The following SOS1 variants were observed in gnomAD, a reference collection of about 807,000 sequenced individuals.
SOS1 encodes the protein son of sevenless homolog 1.
Under a neutral mutation model 157.6 loss-of-function variants are expected in SOS1, and 25 were observed. That is an observed-to-expected ratio of 0.16 (90% CI 0.12 to 0.22). The LOEUF (loss-of-function observed/expected upper bound fraction) is 0.22. Among genes scored for constraint, SOS1 ranks in the 10% least tolerant of loss-of-function variants. SOS1 has a pLI of 1.00. For synonymous variants in SOS1, 528 were observed against 534.0 expected (o/e 0.99, Z 0.16); for missense variants, 1,237 against 1,599.1 (o/e 0.77, Z 3.86).
At chr2:39,095,967 G>A (rs912654730) in intron 1 of SOS1, among the ~76,000 whole-genome samples, 1 of 152,190 alleles carries the variant, frequency 6.6e-6, no homozygotes, top group African/African-American at 2.4e-5. Flanking sequence ...TACCTGAGAA[G>A]CTAGATGTTT....
intron 1 of SOS1, among the ~76,000 whole-genome samples, chr2:39,111,273 G>A (rs1053010075): frequency 6.6e-6 from 1 of 151,996 alleles, no homozygotes; most frequent in East Asian, 1.9e-4. Flanking sequence ...AAGGATGAAG[G>A]GATGGATAGG....
Position 38,985,544 on chromosome 2 carries a change from G to C in SOS1, c.*280C>G. 4.9e-6 allele frequency: 2 copies of C among 405,064 alleles called. No individual in the cohort carries two copies. Among genetic ancestry groups the C allele is most frequent in the Non-Finnish European group, 9.3e-6 (2 of 215,244 alleles). The allele number at this position is 405,064 out of a possible 1,614,324, so 25.1% of individuals were successfully genotyped here. A position where few individuals can be genotyped will look rare whatever the true frequency, so the allele number is the denominator to read the frequency against. ...CACAAAAGATCACTTCACAAAAAGAGGACTCCTGCCTATTGGCCAGAAAAA... is the reference window on the plus strand; with the variant it reads ...CACAAAAGATCACTTCACAAAAAGACGACTCCTGCCTATTGGCCAGAAAAA... On this transcript the variant is annotated 3_prime_UTR_variant, in exon 23 of 23. Transcript: ENST00000402219.
At chr2:39,029,850 G>A (rs979619502) in intron 8 of SOS1, among the ~76,000 whole-genome samples, 1 of 151,976 alleles carries the variant, frequency 6.6e-6, no homozygotes, top group African/African-American at 2.4e-5. Flanking sequence ...CTGGTTCAAG[G>A]GAATGTACAC....
At chr2:39,116,074 G>A (rs1274862778) in intron 1 of SOS1, among the ~76,000 whole-genome samples, 1 of 152,174 alleles carries the variant, frequency 6.6e-6, no homozygotes, top group Non-Finnish European at 1.5e-5. Flanking sequence ...ATAAGTCTTT[G>A]TAGAGGCTTC....
Position 39,024,056 on chromosome 2 carries a change from C to A in SOS1, c.1156G>T (p.Gly386Cys). 2 of 1,600,576 alleles carry A rather than the reference C, an allele frequency of 1.2e-6. No individual in the cohort carries two copies. Among genetic ancestry groups the A allele is most frequent in the Non-Finnish European group, 1.7e-6 (2 of 1,167,886 alleles). Residue 386 changes from glycine (G) to cysteine (C), a missense_variant, in exon 9 of 23, where the codon GGT (glycine) becomes TGT (cysteine). By Grantham distance (159) the Gly-to-Cys change is radical. This residue lies in a region of SOS1 where 101 missense variants were observed against 171.5 expected (regional missense o/e 0.59). Coordinates refer to ENST00000402219, the MANE Select transcript of SOS1 (RefSeq NM_005633.4). ...AITALLNVQS[G>C]MEKICSKSLA... is the part of the protein sequence containing the mutation. ...CTTTTAGAACATATTTTTTCCATAC[C>A]ACTCTGAACATTAAGCAAAGCTGTT...
Position 38,983,545 on chromosome 2 carries a change from A to ATAGAC in SOS1, c.*2274_*2278dup. ...CTCCAAATCTGAATTTTTCCTCTTT[A>ATAGAC]TAGACTAGATAGGTTGAAAAGGGGT... On this transcript the variant is annotated 3_prime_UTR_variant, in exon 23 of 23. Transcript: ENST00000402219. 6.8e-6 allele frequency: 1 copy of ATAGAC among 146,342 alleles called. No individual in the cohort carries two copies. Among genetic ancestry groups the ATAGAC allele is most frequent in the East Asian group, 2.0e-4 (1 of 4,922 alleles). The allele number at this position is 146,342 out of a possible 1,614,324, so 9.1% of individuals were successfully genotyped here.
At chr2:39,037,630 A>T (rs1054165453) in intron 6 of SOS1, among the ~76,000 whole-genome samples, 1 of 148,536 alleles carries the variant, frequency 6.7e-6, no homozygotes. Flanking sequence ...TTTTTTTTTA[A>T]CAAGTTGAAG....
chr2:39,058,827 A>G (rs1434939165), intron 2 of SOS1, 23 bp from the exon 3 acceptor site: 3 of 1,595,556 alleles, frequency 1.9e-6, no homozygotes, highest in Non-Finnish European at 2.6e-6. Flanking sequence ...GAAAATAACA[A>G]CTAAGCAAAA....
At chr2:39,014,937 CA>C in intron 10 of SOS1, 91 bp from the exon 11 acceptor site, 1 of 815,250 alleles carries the variant, frequency 1.2e-6, no homozygotes, top group Non-Finnish European at 2.1e-6. Context: ...ATCAAATAGT[CA>C]AGTTTAAAAG....
chr2:39,045,439 C>G (rs1670745886), intron 6 of SOS1, among the ~76,000 whole-genome samples: 1 of 151,406 alleles, frequency 6.6e-6, no homozygotes, highest in Non-Finnish European at 1.5e-5. Context: ...GTTTCTACTT[C>G]TTATATTTTG....
chr2:39,106,547 C>T (rs371903060), intron 1 of SOS1, among the ~76,000 whole-genome samples: 19 of 146,578 alleles, frequency 1.3e-4, no homozygotes, highest in East Asian at 3.9e-4. Context: ...GCCGAGATCC[C>T]GCCACTGCAC....
intron 10 of SOS1, among the ~76,000 whole-genome samples, chr2:39,021,936 A>C (rs1211691942): frequency 6.6e-6 from 1 of 151,808 alleles, no homozygotes; most frequent in Non-Finnish European, 1.5e-5. Flanking sequence ...ATATGGAAAA[A>C]AATGACAATA....
At chr2:38,992,897 G>A (rs1158978100) in intron 20 of SOS1, 1 of 152,004 alleles carries the variant, frequency 6.6e-6, no homozygotes, top group Non-Finnish European at 1.5e-5. Context: ...TTTACTTGGT[G>A]TCTATTTGAA....
At chr2:38,991,173 T>A (rs1024810275) in intron 20 of SOS1, among the ~76,000 whole-genome samples, 2 of 149,710 alleles carry the variant, frequency 1.3e-5, no homozygotes, top group African/African-American at 2.5e-5. Flanking sequence ...TTAAAGATAC[T>A]CCCCAGTTTA....
At chr2:39,121,243 C>A (rs753833140), upstream of SOS1, among the ~76,000 whole-genome samples, 2 of 152,102 alleles carry the variant, frequency 1.3e-5, no homozygotes, top group Non-Finnish European at 2.9e-5. Flanking sequence ...GTGGGGCCTG[C>A]AAGGGTGGGT....
chr2:39,017,706 A>G (rs1669672823), intron 10 of SOS1, among the ~76,000 whole-genome samples: 1 of 152,068 alleles, frequency 6.6e-6, no homozygotes, highest in Non-Finnish European at 1.5e-5. Flanking sequence ...GTATTAATTT[A>G]TATTCTGTTT....
chr2:38,985,591 G>A lies in SOS1; in HGVS notation c.*233C>T. The A allele has an allele frequency of 2.0e-6, 1 of 505,834 alleles. No homozygotes were observed. The highest frequency in any genetic ancestry group is 3.7e-5 in the East Asian group (1 of 26,990). The allele number at this position is 505,834 out of a possible 1,614,324, so 31.3% of individuals were successfully genotyped here. A position where few individuals can be genotyped will look rare whatever the true frequency, so the allele number is the denominator to read the frequency against. ...AAAAGTCCCTTTATGATTTTCAGGT[G>A]CAATCAGTTGTCCAATTCCTCTAGG... On this transcript the variant is annotated 3_prime_UTR_variant, in exon 23 of 23. Coordinates refer to ENST00000402219, the MANE Select transcript of SOS1 (RefSeq NM_005633.4).
upstream of SOS1, among the ~76,000 whole-genome samples, chr2:39,123,950 A>G (rs770174934): frequency 6.6e-6 from 1 of 152,248 alleles, no homozygotes. Flanking sequence ...AACAAGCCCT[A>G]GAAACATGGG....
intron 1 of SOS1, among the ~76,000 whole-genome samples, chr2:39,084,746 G>C (rs1672316847): frequency 6.6e-6 from 1 of 152,064 alleles, no homozygotes; most frequent in Non-Finnish European, 1.5e-5. Flanking sequence ...TTCCAAACAT[G>C]TGTCAAGTGC....
Sources: gnomAD v4.1 joint callset for allele counts (sites outside exome capture counted in the v4.1 genomes callset) on GRCh38, gnomAD v4.1.1 for gene constraint, gnomAD v4.1.1 regional missense constraint, MANE v1.5 for transcripts, NCBI Gene and HGNC (gene_info 2026-07-23, HGNC 2026-07-21) for gene names.